Variants in SPICE1 observed in about 807,000 individuals in gnomAD.
The protein encoded by SPICE1 is spindle and centriole-associated protein 1.
SPICE1 carries 75 observed loss-of-function variants against 102.7 expected under a neutral mutation model. That is an observed-to-expected ratio of 0.73 (90% confidence interval 0.61 to 0.88). The LOEUF is 0.88. SPICE1 is among the 40% of genes least tolerant of loss of function. The probability of loss-of-function intolerance (pLI) is 0.00; values close to 1 mark genes in which losing one functional copy is unlikely to be tolerated. For synonymous variants in SPICE1, 308 were observed against 350.3 expected (o/e 0.88, Z 1.35); for missense variants, 979 against 1,020.1 (o/e 0.96, Z 0.55).
intron 13 of SPICE1, 47 bp from the exon 14 acceptor site, chr3:113,453,997 A>G (rs1559957604): frequency 6.8e-7 from 1 of 1,477,196 alleles, no homozygotes; most frequent in Non-Finnish European, 9.0e-7. Flanking sequence ...ATTTTCCCAT[A>G]GATTGGCACT....
chr3:113,495,887 A>T (rs949121279), intron 4 of SPICE1, among the ~76,000 whole-genome samples: 2 of 152,188 alleles, frequency 1.3e-5, no homozygotes, highest in African/African-American at 4.8e-5. Context: ...TTATAATCTT[A>T]TAACCATATT....
intron 6 of SPICE1, among the ~76,000 whole-genome samples, chr3:113,492,316 G>T (rs930954465): frequency 2.0e-5 from 3 of 152,022 alleles, no homozygotes; most frequent in African/African-American, 7.2e-5. Context: ...TCTAATTGAT[G>T]ATTCTCTTCT....
At position 113,445,057 on chromosome 3, in the gene SPICE1, T is replaced by C. The variant is rs1396211346; in HGVS notation, c.*250A>G. 3.5e-5 allele frequency: 11 copies of C among 316,100 alleles called. No homozygotes were observed. Among genetic ancestry groups the C allele is most frequent in the Non-Finnish European group, 6.3e-5 (11 of 175,274 alleles). 19.6% of individuals were successfully genotyped at this position (316,100 alleles called of 1,614,324 possible). Reference sequence around the variant, plus strand: ...AAAACCCTTAAAATACTTAAGAAAGTATTAAAATACAAAACTTTAACTTCT... The same window carrying C: ...AAAACCCTTAAAATACTTAAGAAAGCATTAAAATACAAAACTTTAACTTCT... On this transcript the variant is annotated 3_prime_UTR_variant, in exon 18 of 18. Coordinates refer to ENST00000295872, the MANE Select transcript of SPICE1 (RefSeq NM_144718.4).
chr3:113,482,507 G>C (rs189719019), intron 7 of SPICE1, among the ~76,000 whole-genome samples: 15 of 152,264 alleles, frequency 9.9e-5, no homozygotes, highest in African/African-American at 1.9e-4. Flanking sequence ...GAATGGTACT[G>C]CCTAGGTTTT....
chr3:113,481,781 A>T (rs991500622), intron 7 of SPICE1, among the ~76,000 whole-genome samples: 1 of 152,140 alleles, frequency 6.6e-6, no homozygotes, highest in Non-Finnish European at 1.5e-5. Flanking sequence ...ATTCCATGCT[A>T]TATATGTGCC....
chr3:113,493,934 A>G, intron 5 of SPICE1, 115 bp downstream of exon 5: 1 of 680,036 alleles, frequency 1.5e-6, no homozygotes, highest in South Asian at 2.1e-5. Context: ...AATCCACCCT[A>G]CAATACTTGT....
chr3:113,472,059 C>G (rs1335658017), intron 7 of SPICE1, among the ~76,000 whole-genome samples: 4 of 152,238 alleles, frequency 2.6e-5, no homozygotes, highest in Non-Finnish European at 4.4e-5. Flanking sequence ...TGACAGACGG[C>G]ACCTGGAAAA....
intron 7 of SPICE1, among the ~76,000 whole-genome samples, chr3:113,471,981 G>C (rs1009835673): frequency 1.3e-5 from 2 of 152,218 alleles, no homozygotes; most frequent in Non-Finnish European, 2.9e-5. Flanking sequence ...CCGAAGCAGG[G>C]CAAGGCATTG....
At chr3:113,467,768 T>C (rs1197501954) in intron 10 of SPICE1, among the ~76,000 whole-genome samples, 1 of 152,158 alleles carries the variant, frequency 6.6e-6, no homozygotes, top group African/African-American at 2.4e-5. Context: ...AAACTGAATG[T>C]GGGAGTAGGA....
intron 14 of SPICE1, among the ~76,000 whole-genome samples, chr3:113,452,709 G>A (rs1038505956): frequency 3.3e-5 from 5 of 152,106 alleles, no homozygotes; most frequent in Admixed American, 2.0e-4. Flanking sequence ...GCTGGGCGCA[G>A]TGGCTCATGC....
At position 113,460,770 on chromosome 3, in the gene SPICE1, G is replaced by A; in HGVS notation, c.1288-6C>T. The A allele has an allele frequency of 6.3e-7, 1 of 1,582,254 alleles. No individual in the cohort carries two copies. The highest frequency in any genetic ancestry group is 8.6e-7 in the Non-Finnish European group (1 of 1,168,456). ...ATGTACTGCTGAAGTCTTGCCTGGG[G>A]AGGAAAACATATGAAATAATATTAT... is the stretch of plus-strand genomic sequence containing the variant. On this transcript the variant is annotated splice_region_variant and splice_polypyrimidine_tract_variant and intron_variant, in intron 11 of 17. Transcript: ENST00000295872.
In SPICE1 at chr3:113,482,628, G is replaced by A. The variant is rs149698241; in HGVS notation, c.611+6317C>T. Reference sequence around the variant, plus strand: ...AGCCTAGTTTCAGTTTTCTGCATATGGCTAGCCAGTTTTCCCAACATCATT... The same window carrying A: ...AGCCTAGTTTCAGTTTTCTGCATATAGCTAGCCAGTTTTCCCAACATCATT... On this transcript the variant is annotated intron_variant, in intron 7 of 17. Transcript: ENST00000295872. Among the ~76,000 whole-genome samples, 1,217 of 152,236 alleles carry A rather than the reference G, an allele frequency of 8.0e-3. 10 individuals are homozygous for A. The highest frequency in any genetic ancestry group is 0.013 in the Non-Finnish European group (907 of 68,008).
At chr3:113,449,835 T>C (rs1935604568) in intron 15 of SPICE1, 1 of 155,986 alleles carries the variant, frequency 6.4e-6, no homozygotes, top group East Asian at 1.9e-4. Context: ...GTTTCATCAG[T>C]ATCTTTTTGA....
intron 7 of SPICE1, among the ~76,000 whole-genome samples, chr3:113,476,384 C>T (rs1559966374): frequency 6.6e-6 from 1 of 151,166 alleles, no homozygotes; most frequent in Non-Finnish European, 1.5e-5. Context: ...GATTCAATGC[C>T]ATCCCCATCA....
chr3:113,453,420 A>G (rs766581214), intron 14 of SPICE1, 46 bp downstream of exon 14: 3 of 1,528,016 alleles, frequency 2.0e-6, no homozygotes, highest in Admixed American at 4.4e-5. Flanking sequence ...TAAAGTTCCT[A>G]TTTAAATTCC....
At chr3:113,481,753 T>G (rs1374026402) in intron 7 of SPICE1, among the ~76,000 whole-genome samples, 1 of 152,228 alleles carries the variant, frequency 6.6e-6, no homozygotes, top group Non-Finnish European at 1.5e-5. Context: ...GAACTCATCT[T>G]TTTTATGGCT....
chr3:113,499,776 T>C lies in SPICE1; in HGVS notation c.148-194A>G, dbSNP rs552226747. ...AAAAATGATCTTAAAGAAAGCAGTA[T>C]ATAGAACTGGTAAACCTACCTAAAA... On this transcript the variant is annotated intron_variant, in intron 3 of 17. Transcript: ENST00000295872. 3.9e-5 allele frequency among the ~76,000 whole-genome samples: 6 copies of C among 152,318 alleles called. No homozygotes were observed. In the East Asian group the frequency reaches 1.2e-3, roughly 29 times the overall value.
chr3:113,453,830 G>A lies in SPICE1; in HGVS notation c.1778C>T (p.Ser593Leu), dbSNP rs1343495377. 3 of 1,614,024 alleles carry A rather than the reference G, an allele frequency of 1.9e-6. No homozygotes were observed. The highest frequency in any genetic ancestry group is 2.5e-6 in the Non-Finnish European group (3 of 1,180,042). ...TLPIDTDIQNSSEENRLFTQR... is the reference protein window; with the variant it reads ...TLPIDTDIQNLSEENRLFTQR... ...AGTGAAGAGACGATTCTCTTCACTT[G>A]AATTCTGAATGTCTGTATCAATAGG... Residue 593 changes from serine to leucine, a missense_variant, in exon 14 of 18, where the codon TCA (serine) becomes TTA (leucine). Physicochemically the swap from Ser to Leu is moderately radical, Grantham distance 145. Transcript: ENST00000295872.
At position 113,493,271 on chromosome 3, in the gene SPICE1, G is replaced by A. The variant is rs1936804729; in HGVS notation, c.427C>T (p.Pro143Ser). The part of the protein sequence containing the change: ...VTVAPDSSQG[P>S]IVVNQDPITQ... ...ATAGGGTCTTGATTTACCACAATGG[G>A]ACCCTGAGAGGAATCAGGAGCCACT... Residue 143 changes from proline (P) to serine (S), a missense_variant, in exon 6 of 18, where the codon CCC (proline) becomes TCC (serine). Coordinates refer to ENST00000295872, the MANE Select transcript of SPICE1 (RefSeq NM_144718.4). 7 of 1,613,852 alleles carry A rather than the reference G, an allele frequency of 4.3e-6. No homozygotes were observed. In the South Asian group the frequency reaches 6.6e-5, roughly 15 times the overall value.
Sources: allele counts gnomAD v4.1 joint callset (sites outside exome capture counted in the v4.1 genomes callset), GRCh38; gene constraint gnomAD v4.1.1; transcripts MANE v1.5; gene names NCBI Gene and HGNC (gene_info 2026-07-23, HGNC 2026-07-21).